PRKN: variants seen among roughly 807,000 people sequenced by gnomAD.
PRKN encodes parkin RBR E3 ubiquitin protein ligase, also known as E3 ubiquitin-protein ligase parkin.
A neutral mutation model predicts 59.5 loss-of-function variants in PRKN; 56 were observed. The ratio of observed to expected loss-of-function variants is 0.94; its 90% CI spans 0.76 to 1.18. The LOEUF (loss-of-function observed/expected upper bound fraction) is 1.18, where lower values mean the gene tolerates loss of function less well. Ranked by LOEUF, PRKN falls within the 50% of genes most tolerant of loss-of-function variation. The pLI, the probability that PRKN is intolerant of heterozygous loss-of-function variation, is 0.00. For missense variants in PRKN, 657 were observed against 596.4 expected, an observed-to-expected ratio of 1.10 and a Z score of -1.06; for synonymous variants, 250 against 222.1, an observed-to-expected ratio of 1.13 and a Z score of -1.12.
chr6:161,775,542 A>C (rs1233916767), intron 7 of PRKN, among the ~76,000 whole-genome samples: 1 of 152,222 alleles, frequency 6.6e-6, no homozygotes, highest in Non-Finnish European at 1.5e-5. Context: ...ACCCAGCCTA[A>C]GTTAGCAATT....
At position 161,409,434 on chromosome 6, in the gene PRKN, TG is replaced by T. The variant is rs1385776074; in HGVS notation, c.1084-22558del. 6.6e-6 allele frequency among the ~76,000 whole-genome samples: 1 copy of T among 152,162 alleles called. No individual in the cohort carries two copies. Among genetic ancestry groups the T allele is most frequent in the Non-Finnish European group, 1.5e-5 (1 of 68,038 alleles). ...TACCAAATGGCACACAAAAACGCAGTGTGCTGACACTAATACATAAAATGCG... is the reference window on the plus strand; with the variant it reads ...TACCAAATGGCACACAAAAACGCAGTTGCTGACACTAATACATAAAATGCG... On this transcript the variant is annotated intron_variant, in intron 9 of 11. Transcript: ENST00000366898. This position sits in a 1 kb window ranked among gnomAD's most constrained non-coding sequence, Gnocchi z 4.6.
intron 1 of PRKN, among the ~76,000 whole-genome samples, chr6:162,694,358 T>C (rs561384236): frequency 3.0e-4 from 45 of 151,982 alleles, no homozygotes; most frequent in African/African-American, 1.1e-3. Flanking sequence ...ATAGCAGTGA[T>C]AACTGTGGCA....
intron 1 of PRKN, among the ~76,000 whole-genome samples, chr6:162,620,814 A>G (rs1299494849): frequency 1.3e-5 from 2 of 152,166 alleles, no homozygotes; most frequent in Non-Finnish European, 2.9e-5. Context: ...TTAGCCTTCC[A>G]AAGTGTTGGG....
chr6:162,699,476 C>T (rs1202006435), intron 1 of PRKN, among the ~76,000 whole-genome samples: 1 of 152,110 alleles, frequency 6.6e-6, no homozygotes, highest in East Asian at 1.9e-4. Flanking sequence ...AAAGCATATA[C>T]AGTTCACTGG....
At chr6:161,932,431 G>A (rs1779200282) in intron 6 of PRKN, among the ~76,000 whole-genome samples, 1 of 152,060 alleles carries the variant, frequency 6.6e-6, no homozygotes, top group Admixed American at 6.6e-5. Context: ...TTAAAACCTT[G>A]AAGTAATATT....
chr6:161,470,553 C>T lies in PRKN; in HGVS notation c.1083+78301G>A, dbSNP rs560011618. ...ATGTCCTATGTCTTAGAGGGTTCTG[C>T]CCTGGCCCTCCTCTGGCCACACCCC... On this transcript the variant is annotated intron_variant, in intron 9 of 11. Transcript: ENST00000366898. This position sits in a 1 kb window ranked among gnomAD's most constrained non-coding sequence, Gnocchi z 5.1. 2.6e-5 allele frequency among the ~76,000 whole-genome samples: 4 copies of T among 152,312 alleles called. No homozygotes were observed. Among genetic ancestry groups the T allele is most frequent in the East Asian group, 3.9e-4 (2 of 5,186 alleles).
At chr6:161,917,080 G>A (rs891083052) in intron 6 of PRKN, among the ~76,000 whole-genome samples, 44 of 152,126 alleles carry the variant, frequency 2.9e-4, no homozygotes, top group Non-Finnish European at 1.2e-4. Context: ...GGGATTACAG[G>A]CGTGAGCCAC....
At chr6:162,638,193 AATAAT>A (rs879793741) in intron 1 of PRKN, among the ~76,000 whole-genome samples, 35,034 of 151,956 alleles carry the variant, frequency 0.23, 4,799 homozygotes, top group African/African-American at 0.37. Flanking sequence ...ACTGTAAGAC[AATAAT>A]ATTATCCCTA....
At chr6:162,669,913 A>T (rs924649127) in intron 1 of PRKN, among the ~76,000 whole-genome samples, 10 of 152,232 alleles carry the variant, frequency 6.6e-5, no homozygotes, top group African/African-American at 2.4e-4. Flanking sequence ...GTGTCCACTT[A>T]AATACTACAC....
chr6:161,823,622 A>C (rs922662408), intron 6 of PRKN, among the ~76,000 whole-genome samples: 3 of 150,378 alleles, frequency 2.0e-5, no homozygotes, highest in Non-Finnish European at 2.9e-5. Flanking sequence ...CTTTAAGAGA[A>C]AATAATCTCA....
intron 9 of PRKN, among the ~76,000 whole-genome samples, chr6:161,501,414 T>C (rs1288602503): frequency 6.6e-6 from 1 of 152,238 alleles, no homozygotes; most frequent in African/African-American, 2.4e-5. Context: ...CATCTGTATA[T>C]CTTTTTTCGG....
At chr6:161,842,998 C>T (rs1436014387) in intron 6 of PRKN, among the ~76,000 whole-genome samples, 2 of 152,274 alleles carry the variant, frequency 1.3e-5, no homozygotes, top group East Asian at 1.9e-4. Context: ...TTAATCTACT[C>T]AGGAGTGCTA....
chr6:161,707,859 C>T (rs1389783635), intron 7 of PRKN, among the ~76,000 whole-genome samples: 1 of 152,074 alleles, frequency 6.6e-6, no homozygotes, highest in African/African-American at 2.4e-5. Flanking sequence ...TTCAAACATA[C>T]AATGAATCCA....
At chr6:162,146,667 G>A (rs933401041) in intron 4 of PRKN, among the ~76,000 whole-genome samples, 1 of 151,908 alleles carries the variant, frequency 6.6e-6, no homozygotes, top group Admixed American at 6.6e-5. Flanking sequence ...ATCATGCCTG[G>A]CTAATTTTTG....
chr6:161,570,146 A>AAAAAAAAATAT (rs869285771), intron 7 of PRKN, among the ~76,000 whole-genome samples: 1 of 76,586 alleles, frequency 1.3e-5, no homozygotes, highest in African/African-American at 6.8e-5. Flanking sequence ...AAAAAAAAAA[A>AAAAAAAAATAT]ATATATATAT....
At chr6:162,714,960 G>A (rs1778667712) in intron 1 of PRKN, among the ~76,000 whole-genome samples, 2 of 151,984 alleles carry the variant, frequency 1.3e-5, no homozygotes, top group African/African-American at 4.8e-5. Flanking sequence ...AAAGGACAAG[G>A]GAAAAAAAGA....
intron 6 of PRKN, among the ~76,000 whole-genome samples, chr6:161,826,498 A>G (rs1314007940): frequency 6.6e-6 from 1 of 152,202 alleles, no homozygotes; most frequent in Non-Finnish European, 1.5e-5. Flanking sequence ...TACAAATGCA[A>G]AAGTGAAGGT....
chr6:161,656,197 A>C (rs1784344930), intron 7 of PRKN, among the ~76,000 whole-genome samples: 1 of 152,224 alleles, frequency 6.6e-6, no homozygotes, highest in African/African-American at 2.4e-5. Context: ...CAAGGAGCGA[A>C]ATCCTCAGCG....
intron 1 of PRKN, among the ~76,000 whole-genome samples, chr6:162,634,809 A>G (rs1777647888): frequency 6.6e-6 from 1 of 152,142 alleles, no homozygotes; most frequent in Non-Finnish European, 1.5e-5. Context: ...TTTTTAGTAG[A>G]GACGGGGTTT....
Sources: allele counts gnomAD v4.1 joint callset (sites outside exome capture counted in the v4.1 genomes callset), GRCh38; gene constraint gnomAD v4.1.1; non-coding constraint Gnocchi (gnomAD v3.1); transcripts MANE v1.5; gene names NCBI Gene and HGNC (gene_info 2026-07-23, HGNC 2026-07-21).